ATP8A2: variants seen among roughly 807,000 people sequenced by gnomAD.
The protein encoded by ATP8A2 is phospholipid-transporting ATPase IB.
ATP8A2 carries 100 observed loss-of-function variants against 165.6 expected under a neutral mutation model. That is an observed-to-expected ratio of 0.60 (90% CI 0.51 to 0.71). The LOEUF (loss-of-function observed/expected upper bound fraction) is 0.71, where lower values mean the gene tolerates loss of function less well. Among genes scored for constraint, ATP8A2 ranks in the 30% least tolerant of loss-of-function variants. The pLI, the probability that ATP8A2 is intolerant of heterozygous loss-of-function variation, is 0.00. For missense variants in ATP8A2, 1,227 were observed against 1,479.5 expected (o/e 0.83, Z 2.80); for synonymous variants, 543 against 548.8 (o/e 0.99, Z 0.15).
chr13:25,672,375 A>C (rs1320251123), intron 24 of ATP8A2, among the ~76,000 whole-genome samples: 1 of 152,092 alleles, frequency 6.6e-6, no homozygotes, highest in Non-Finnish European at 1.5e-5. Flanking sequence ...TTTTCTCCAA[A>C]GTGCTGGCTG....
chr13:25,888,381 C>T (rs369804791), intron 33 of ATP8A2, among the ~76,000 whole-genome samples: 7 of 152,140 alleles, frequency 4.6e-5, no homozygotes, highest in Non-Finnish European at 7.3e-5. Context: ...ATAAAACTTC[C>T]GGAATTGGCT....
rs540961931 is a variant in ATP8A2 at position 25,769,079 on chromosome 13, T to C, written c.2418T>C (p.Asp806=). The C allele has an allele frequency of 6.2e-7, 1 of 1,614,152 alleles. No individual in the cohort carries two copies. Among genetic ancestry groups the C allele is most frequent in the South Asian group, 1.1e-5 (1 of 91,074 alleles). The change falls in exon 26 of 37, where the codon GAT becomes GAC. Residue 806 remains aspartate, a synonymous_variant. Coordinates refer to ENST00000381655, the MANE Select transcript of ATP8A2 (RefSeq NM_016529.6). ...CTCTGCAGAAGTCTGAGATAGTGGA[T>C]GTGGTGAAGAAGCGGGTGAAGGCCA... ...VSPLQKSEIV[D]VVKKRVKAIT...
chr13:25,956,925 G>A (rs1955538300), intron 33 of ATP8A2, among the ~76,000 whole-genome samples: 3 of 152,114 alleles, frequency 2.0e-5, no homozygotes, highest in East Asian at 1.9e-4. Flanking sequence ...AAACAGATGT[G>A]TAGACTGATG....
chr13:25,897,332 C>A (rs986130104), intron 33 of ATP8A2, among the ~76,000 whole-genome samples: 120 of 152,264 alleles, frequency 7.9e-4, no homozygotes, highest in Non-Finnish European at 1.6e-3. Flanking sequence ...GTTGAAAATT[C>A]TTTTCTTTAA....
chr13:25,580,543 T>C (rs1374510433), intron 22 of ATP8A2, among the ~76,000 whole-genome samples: 1 of 152,128 alleles, frequency 6.6e-6, no homozygotes, highest in African/African-American at 2.4e-5. Context: ...TTTTTAAATA[T>C]AGAGACAGGG....
At chr13:25,390,881 T>C (rs9553603) in intron 1 of ATP8A2, among the ~76,000 whole-genome samples, 102,792 of 150,632 alleles carry the variant, frequency 0.68, 36,029 homozygotes, top group East Asian at 0.99. Context: ...GCCGAGATCA[T>C]GCCACTGCAC....
chr13:25,557,715 C>T (rs1472299923), intron 13 of ATP8A2, among the ~76,000 whole-genome samples: 1 of 151,956 alleles, frequency 6.6e-6, no homozygotes, highest in African/African-American at 2.4e-5. Context: ...TGAACTGGAC[C>T]TGAATAATTT....
In ATP8A2 at chr13:25,491,010, G is replaced by A. The variant is rs183855079; in HGVS notation, c.221+21889G>A. ...TCCTCCCACCTCAGCCTCCCAAGTTGCTGGGATTACAGTCACAAGCCTGGC... is the reference window on the plus strand; with the variant it reads ...TCCTCCCACCTCAGCCTCCCAAGTTACTGGGATTACAGTCACAAGCCTGGC... On this transcript the variant is annotated intron_variant, in intron 2 of 36. Coordinates refer to ENST00000381655, the MANE Select transcript of ATP8A2 (RefSeq NM_016529.6). Among the ~76,000 whole-genome samples, 24 of 152,084 alleles carry A rather than the reference G, an allele frequency of 1.6e-4. No individual in the cohort carries two copies. In the East Asian group the frequency reaches 4.7e-3, roughly 30 times the overall value.
intron 33 of ATP8A2, among the ~76,000 whole-genome samples, chr13:25,892,478 GTC>G (rs144283908): frequency 7.0e-4 from 95 of 135,698 alleles, no homozygotes; most frequent in Non-Finnish European, 7.8e-4. Context: ...CTGTCTCTCT[GTC>G]TCTCTCTCTC....
chr13:25,386,578 G>T (rs4770824), intron 1 of ATP8A2, among the ~76,000 whole-genome samples: 1 of 151,948 alleles, frequency 6.6e-6, no homozygotes, highest in Non-Finnish European at 1.5e-5. Flanking sequence ...ATTAATTCCA[G>T]ATTCTGAAAC....
chr13:25,814,490 G>A lies in ATP8A2; in HGVS notation c.2680-13628G>A, dbSNP rs113581785. On this transcript the variant is annotated intron_variant, in intron 27 of 36. Transcript: ENST00000381655. ...TTTCAGAACTTACTACAGAGCTACA[G>A]TAGTCAAAACAGTGTGTGTTACCAT... 4.2e-4 allele frequency among the ~76,000 whole-genome samples: 64 copies of A among 152,110 alleles called. 1 individual carries two copies. The highest frequency in any genetic ancestry group is 1.4e-3 in the African/African-American group (58 of 41,502).
chr13:25,766,527 T>C (rs2044494358), intron 25 of ATP8A2, among the ~76,000 whole-genome samples: 1 of 152,234 alleles, frequency 6.6e-6, no homozygotes, highest in African/African-American at 2.4e-5. Flanking sequence ...GCTGCCTTGC[T>C]CATTTCCTAT....
intron 2 of ATP8A2, among the ~76,000 whole-genome samples, chr13:25,492,252 C>T (rs2036549674): frequency 6.6e-6 from 1 of 152,120 alleles, no homozygotes; most frequent in Non-Finnish European, 1.5e-5. Flanking sequence ...GATGGGGTTT[C>T]ACCATGTTGG....
chr13:25,854,250 G>A (rs1315005718), intron 30 of ATP8A2, among the ~76,000 whole-genome samples: 2 of 152,138 alleles, frequency 1.3e-5, no homozygotes, highest in African/African-American at 4.8e-5. Context: ...AAACACCGCT[G>A]TTTATCTACA....
chr13:25,418,517 G>A (rs748702), intron 1 of ATP8A2, among the ~76,000 whole-genome samples: 37,211 of 151,872 alleles, frequency 0.25, 4,845 homozygotes, highest in East Asian at 0.46. Flanking sequence ...TAGACATAGC[G>A]TTAAAGAGAG....
intron 23 of ATP8A2, among the ~76,000 whole-genome samples, chr13:25,588,968 CA>C (rs2039996874): frequency 6.6e-6 from 1 of 152,098 alleles, no homozygotes; most frequent in Admixed American, 6.5e-5. Context: ...GGAAAGAGCC[CA>C]GGGCTTCCTA....
intron 25 of ATP8A2, among the ~76,000 whole-genome samples, chr13:25,729,838 G>A (rs2043579246): frequency 1.3e-5 from 2 of 152,102 alleles, no homozygotes; most frequent in Non-Finnish European, 2.9e-5. Flanking sequence ...TAAGTGTAAC[G>A]TGGGGGAAAA....
intron 1 of ATP8A2, among the ~76,000 whole-genome samples, chr13:25,446,161 C>T (rs1051245525): frequency 6.6e-5 from 10 of 152,276 alleles, no homozygotes; most frequent in Non-Finnish European, 1.2e-4. Flanking sequence ...CTATCAGTCT[C>T]TGCTCCCCTG....
chr13:25,469,144 C>A, intron 2 of ATP8A2, 23 bp downstream of exon 2: 2 of 1,611,668 alleles, frequency 1.2e-6, no homozygotes, highest in Non-Finnish European at 8.5e-7. Context: ...GGCCGGCTCG[C>A]GCGGAAGGCG....
Sources: allele counts gnomAD v4.1 joint callset (sites outside exome capture counted in the v4.1 genomes callset), GRCh38; gene constraint gnomAD v4.1.1; transcripts MANE v1.5; gene names NCBI Gene and HGNC (gene_info 2026-07-23, HGNC 2026-07-21).